Variants in TEAD4 observed in about 807,000 individuals in gnomAD.
TEAD4 encodes TEA domain transcription factor 4.
Under a neutral mutation model 52.4 loss-of-function variants are expected in TEAD4, and 36 were observed. That is an observed-to-expected ratio of 0.69 (90% confidence interval 0.53 to 0.91). The LOEUF (loss-of-function observed/expected upper bound fraction) is 0.91. TEAD4 is among the 40% of genes least tolerant of loss of function. The pLI is 0.00. For synonymous variants in TEAD4, 220 were observed against 231.0 expected (o/e 0.95, Z 0.43); for missense variants, 508 against 583.9 (o/e 0.87, Z 1.34).
chr12:3,019,299 C>T (rs1036658246), intron 8 of TEAD4, 129 bp downstream of exon 8: 27 of 1,032,608 alleles, frequency 2.6e-5, no homozygotes, highest in Non-Finnish European at 3.3e-5. Flanking sequence ...ACTGACCACA[C>T]GTCCTAGTCC....
At chr12:3,033,759 G>A (rs1190050465) in intron 10 of TEAD4, among the ~76,000 whole-genome samples, 4 of 152,238 alleles carry the variant, frequency 2.6e-5, no homozygotes, top group Admixed American at 2.0e-4. Flanking sequence ...GTTGCAAGGG[G>A]GCACTCACAG....
intron 3 of TEAD4, among the ~76,000 whole-genome samples, chr12:2,996,225 C>T (rs545564247): frequency 6.6e-6 from 1 of 152,132 alleles, no homozygotes; most frequent in Admixed American, 6.5e-5. Context: ...GACCAGCTGC[C>T]CACCCCCACG....
chr12:3,017,299 T>C, intron 5 of TEAD4, 99 bp from the exon 6 acceptor site: 1 of 1,527,758 alleles, frequency 6.5e-7, no homozygotes, highest in Non-Finnish European at 8.9e-7. Context: ...CTCTGGCCAC[T>C]GGCAGCGAGA....
chr12:3,020,475 C>T (rs929516004), intron 8 of TEAD4, among the ~76,000 whole-genome samples, 159 bp from the exon 9 acceptor site: 4 of 152,190 alleles, frequency 2.6e-5, no homozygotes, highest in Non-Finnish European at 5.9e-5. Context: ...CCAAGCCTGG[C>T]ACTCCCTCCA....
At chr12:2,997,204 A>G (rs1565535417) in intron 3 of TEAD4, among the ~76,000 whole-genome samples, 1 of 152,168 alleles carries the variant, frequency 6.6e-6, no homozygotes, top group African/African-American at 2.4e-5. Flanking sequence ...TGCAGCTAGC[A>G]GACAGGAGAA....
At chr12:2,962,362 T>G (rs2098216521) in intron 2 of TEAD4, among the ~76,000 whole-genome samples, 1 of 50,172 alleles carries the variant, frequency 2.0e-5, no homozygotes, top group African/African-American at 4.6e-5. Context: ...TGAGATGGAG[T>G]TTCGCTCTTG....
intron 2 of TEAD4, among the ~76,000 whole-genome samples, chr12:2,989,555 C>T (rs1591568738): frequency 6.6e-6 from 1 of 152,160 alleles, no homozygotes; most frequent in East Asian, 1.9e-4. Flanking sequence ...TCTCATGCCT[C>T]AGCCTCCCAA....
intron 3 of TEAD4, among the ~76,000 whole-genome samples, chr12:3,003,362 C>G (rs1473955253): frequency 6.6e-6 from 1 of 152,128 alleles, no homozygotes; most frequent in African/African-American, 2.4e-5. Context: ...TTACTCCATG[C>G]CATTTAACAG....
intron 10 of TEAD4, among the ~76,000 whole-genome samples, chr12:3,029,394 C>T (rs979376710): frequency 3.3e-5 from 5 of 152,154 alleles, no homozygotes; most frequent in Non-Finnish European, 7.4e-5. Context: ...CCCGCCACCA[C>T]GCCCAGCTAA....
chr12:3,028,066 G>A (rs894909963), intron 10 of TEAD4, among the ~76,000 whole-genome samples: 16 of 152,098 alleles, frequency 1.1e-4, no homozygotes, highest in African/African-American at 3.9e-4. Context: ...TGGACATTTT[G>A]TATAAAAGGG....
chr12:2,977,448 C>T (rs558871252), intron 2 of TEAD4, among the ~76,000 whole-genome samples: 4 of 152,216 alleles, frequency 2.6e-5, no homozygotes, highest in African/African-American at 4.8e-5. Flanking sequence ...GGCCTCCCCC[C>T]CTCTCACCTG....
chr12:3,024,890 C>T (rs943465499), intron 10 of TEAD4, among the ~76,000 whole-genome samples: 1 of 119,842 alleles, frequency 8.3e-6, no homozygotes, highest in Non-Finnish European at 1.8e-5. Context: ...TTTCTCCTTT[C>T]TTCTGGAGAT....
intron 2 of TEAD4, among the ~76,000 whole-genome samples, chr12:2,984,466 G>A (rs933013102): frequency 1.3e-5 from 2 of 152,118 alleles, no homozygotes; most frequent in East Asian, 1.9e-4. Flanking sequence ...AAGACAGGAT[G>A]TGGTCATTAG....
At chr12:2,983,539 G>A (rs1253544374) in intron 2 of TEAD4, among the ~76,000 whole-genome samples, 2 of 152,210 alleles carry the variant, frequency 1.3e-5, no homozygotes, top group Admixed American at 6.5e-5. Flanking sequence ...CCAGAAAAAT[G>A]AGAGGTGGTT....
intron 3 of TEAD4, among the ~76,000 whole-genome samples, chr12:3,006,462 G>A (rs757367738): frequency 7.9e-5 from 12 of 152,204 alleles, no homozygotes; most frequent in Admixed American, 1.3e-4. Context: ...GGGAGGTTGA[G>A]GTGGGCAGAT....
At chr12:3,038,174 A>G (rs1415345129) in intron 11 of TEAD4, 66 bp downstream of exon 11, 2 of 1,554,104 alleles carry the variant, frequency 1.3e-6, no homozygotes, top group Non-Finnish European at 1.7e-6. Flanking sequence ...CATGGCTTCC[A>G]TTTGCTTTCA....
intron 3 of TEAD4, among the ~76,000 whole-genome samples, chr12:3,007,617 A>G (rs903857630): frequency 5.3e-5 from 8 of 152,246 alleles, no homozygotes; most frequent in Non-Finnish European, 8.8e-5. Context: ...AACAAACTGT[A>G]CATGCTTAAA....
chr12:3,019,300 G>A lies in TEAD4; in HGVS notation c.583+130G>A, dbSNP rs1565545933. On this transcript the variant is annotated intron_variant, in intron 8 of 12. Transcript: ENST00000359864. ...GCCCCGTCATGCACACTGACCACAC[G>A]TCCTAGTCCCTGGCCACACCCCATT... The A allele has an allele frequency of 1.3e-5, 13 of 1,034,698 alleles. No homozygotes were observed. The South Asian group carries it at 1.4e-4, about 11-fold the overall frequency. The allele number at this position is 1,034,698 out of a possible 1,614,324, so 64.1% of individuals were successfully genotyped here.
chr12:2,970,630 T>A (rs993984656), intron 2 of TEAD4, among the ~76,000 whole-genome samples: 1 of 152,124 alleles, frequency 6.6e-6, no homozygotes, highest in African/African-American at 2.4e-5. Context: ...TGTACTGTGG[T>A]AGTTCTCCAT....
Sources: allele counts gnomAD v4.1 joint callset (sites outside exome capture counted in the v4.1 genomes callset), GRCh38; gene constraint gnomAD v4.1.1; transcripts MANE v1.5; gene names NCBI Gene and HGNC (gene_info 2026-07-23, HGNC 2026-07-21).